CYRIB: variants seen among roughly 807,000 people sequenced by gnomAD.
The protein encoded by CYRIB is CYFIP-related Rac1 interactor B.
Under a neutral mutation model 44.2 loss-of-function variants are expected in CYRIB, and 8 were observed. The observed-to-expected ratio is 0.18, with a 90% CI of 0.11 to 0.33. CYRIB has a LOEUF of 0.33. CYRIB is among the 10% of genes least tolerant of loss of function. The pLI is 1.00. For synonymous variants in CYRIB, 131 were observed against 127.2 expected (o/e 1.03, Z -0.20); for missense variants, 185 against 382.8 (o/e 0.48, Z 4.31).
chr8:129,885,842 T>TA (rs559501604), intron 2 of CYRIB, among the ~76,000 whole-genome samples: 69 of 147,968 alleles, frequency 4.7e-4, no homozygotes, highest in Middle Eastern at 3.5e-3. Flanking sequence ...CATGATCTCT[T>TA]AAAAAAAAAA....
chr8:129,852,238 C>A, exon 8 of CYRIB: 1 of 1,562,398 alleles, frequency 6.4e-7, no homozygotes. Context: ...CAAAGACATT[C>A]GATTTGCCAA....
chr8:129,904,199 C>A (rs898018468), intron 1 of CYRIB, among the ~76,000 whole-genome samples: 4 of 152,198 alleles, frequency 2.6e-5, no homozygotes, highest in Non-Finnish European at 2.9e-5. Context: ...GAAAAAGCCT[C>A]ATGTTTTCAC....
At chr8:129,849,393 T>G in intron 9 of CYRIB, 24 bp from the exon 12 acceptor site, 1 of 1,581,518 alleles carries the variant, frequency 6.3e-7, no homozygotes. Context: ...AAGATATGCA[T>G]GGAAGAAGTG....
chr8:129,862,190 T>C, intron 5 of CYRIB, 39 bp downstream of exon 7: 3 of 1,397,196 alleles, frequency 2.1e-6, no homozygotes, highest in Non-Finnish European at 3.0e-6. Context: ...AAACATCTTT[T>C]TCACTAGGGA....
At chr8:129,876,669 A>G (rs964725398) in intron 3 of CYRIB, among the ~76,000 whole-genome samples, 5 of 152,254 alleles carry the variant, frequency 3.3e-5, no homozygotes, top group African/African-American at 1.2e-4. Context: ...TGTATATAAT[A>G]TGATACAAAT....
chr8:129,983,918 G>T (rs1283039259), intron 1 of CYRIB, among the ~76,000 whole-genome samples: 2 of 152,244 alleles, frequency 1.3e-5, no homozygotes, highest in African/African-American at 4.8e-5. Flanking sequence ...CATCCCATTG[G>T]CAGGAACCGG....
At chr8:129,924,794 C>T (rs1285905901) in intron 1 of CYRIB, among the ~76,000 whole-genome samples, 1 of 151,890 alleles carries the variant, frequency 6.6e-6, no homozygotes, top group East Asian at 1.9e-4. Context: ...AGGGAGAACC[C>T]GTCTCTACAA....
chr8:129,900,053 G>T (rs1257878290), intron 2 of CYRIB, among the ~76,000 whole-genome samples: 2 of 152,184 alleles, frequency 1.3e-5, no homozygotes, highest in Non-Finnish European at 2.9e-5. Context: ...AAAAAACGGA[G>T]AAAGGGGATG....
chr8:129,886,502 C>G (rs2062798931), intron 2 of CYRIB, among the ~76,000 whole-genome samples: 1 of 152,140 alleles, frequency 6.6e-6, no homozygotes, highest in South Asian at 2.1e-4. Flanking sequence ...CTCACCAGCT[C>G]CCACCCTATT....
At chr8:130,006,331 G>A (rs2097061294) in intron 1 of CYRIB, among the ~76,000 whole-genome samples, 1 of 150,402 alleles carries the variant, frequency 6.6e-6, no homozygotes, top group East Asian at 2.0e-4. Flanking sequence ...AAAGAATCTG[G>A]CTTGCCGGGT....
chr8:130,016,351 T>G lies in CYRIB; in HGVS notation c.-296+19A>C, dbSNP rs2097345736. 1.4e-5 allele frequency: 2 copies of G among 146,858 alleles called. No individual in the cohort carries two copies. The highest frequency in any genetic ancestry group is 4.2e-4 in the South Asian group (2 of 4,788). 9.1% of individuals were successfully genotyped at this position (146,858 alleles called of 1,614,324 possible). On this transcript the variant is annotated intron_variant, in intron 1 of 14. Transcript: ENST00000401979. ...GCGGGCCGGCCGGGCGGCGGCGCCT[T>G]CAGAGCCCCGGCACGTACCTGGCGG...
chr8:129,967,895 G>A (rs7005529), intron 2 of CYRIB, among the ~76,000 whole-genome samples: 3,794 of 152,240 alleles, frequency 0.025, 155 homozygotes, highest in African/African-American at 0.085. Context: ...GTAGATGTAA[G>A]TAGTGCCATT....
At chr8:129,939,240 T>G (rs1401982715) in intron 1 of CYRIB, among the ~76,000 whole-genome samples, 6 of 90,740 alleles carry the variant, frequency 6.6e-5, no homozygotes, top group African/African-American at 1.3e-4. Context: ...GAGCCAGGAT[T>G]GGGGAGGGGG....
At chr8:129,955,252 C>CA (rs34829432) in intron 2 of CYRIB, among the ~76,000 whole-genome samples, 12,883 of 102,738 alleles carry the variant, frequency 0.13, 751 homozygotes, top group East Asian at 0.29. Flanking sequence ...AACTCCGTCT[C>CA]AAAAAAAAAA....
intron 1 of CYRIB, among the ~76,000 whole-genome samples, chr8:129,996,833 G>A (rs1458551408): frequency 1.3e-5 from 2 of 151,992 alleles, no homozygotes; most frequent in Non-Finnish European, 2.9e-5. Flanking sequence ...ATACCCTGAA[G>A]ATAGAAGCCT....
intron 5 of CYRIB, among the ~76,000 whole-genome samples, chr8:129,857,648 G>A (rs896810023): frequency 6.6e-6 from 1 of 152,166 alleles, no homozygotes; most frequent in African/African-American, 2.4e-5. Context: ...GTGGAGCATG[G>A]ACTATAGGGG....
intron 1 of CYRIB, among the ~76,000 whole-genome samples, chr8:130,005,521 A>G (rs751516119): frequency 2.0e-5 from 3 of 152,114 alleles, no homozygotes; most frequent in Non-Finnish European, 2.9e-5. Context: ...CTGGGCTTCC[A>G]TTGCCTCTGA....
At chr8:130,004,233 C>G (rs1214090487) in intron 1 of CYRIB, among the ~76,000 whole-genome samples, 1 of 152,184 alleles carries the variant, frequency 6.6e-6, no homozygotes, top group Non-Finnish European at 1.5e-5. Flanking sequence ...CTCAGTGCAT[C>G]AAACATACAA....
At chr8:129,908,336 A>T (rs1400060718) in intron 1 of CYRIB, among the ~76,000 whole-genome samples, 1 of 152,198 alleles carries the variant, frequency 6.6e-6, no homozygotes, top group African/African-American at 2.4e-5. Flanking sequence ...GCAAAACAAT[A>T]AATTATGAAA....
Sources: gnomAD v4.1 joint callset for allele counts (sites outside exome capture counted in the v4.1 genomes callset) on GRCh38, gnomAD v4.1.1 for gene constraint, MANE v1.5 for transcripts, NCBI Gene and HGNC (gene_info 2026-07-23, HGNC 2026-07-21) for gene names.